CFAP70: variants seen among roughly 807,000 people sequenced by gnomAD.
CFAP70 encodes the protein cilia and flagella associated protein 70, also known as cilia- and flagella-associated protein 70.
CFAP70 carries 81 observed loss-of-function variants against 137.6 expected under a neutral mutation model. The ratio of observed to expected loss-of-function variants is 0.59; its 90% CI spans 0.49 to 0.71. The LOEUF is 0.71. CFAP70 is among the 30% of genes least tolerant of loss of function. The pLI, the probability that CFAP70 is intolerant of heterozygous loss-of-function variation, is 0.00. For missense variants in CFAP70, 976 were observed against 1,226.7 expected (o/e 0.80, Z 3.05); for synonymous variants, 382 against 423.6 (o/e 0.90, Z 1.20).
chr10:73,335,837 T>G (rs949674801), intron 6 of CFAP70, among the ~76,000 whole-genome samples: 8 of 143,478 alleles, frequency 5.6e-5, no homozygotes, highest in South Asian at 2.3e-4. Context: ...GGAGTTTTTG[T>G]TTTTTTTTTT....
chr10:73,291,340 G>C, exon 19 of CFAP70: 3 of 1,614,090 alleles, frequency 1.9e-6, no homozygotes, highest in Non-Finnish European at 2.5e-6. Context: ...GTGCTCTTTT[G>C]CTTTGTTACT....
At chr10:73,306,256 G>C (rs572541445) in intron 12 of CFAP70, among the ~76,000 whole-genome samples, 1 of 152,120 alleles carries the variant, frequency 6.6e-6, no homozygotes, top group South Asian at 2.1e-4. Flanking sequence ...CCCCTTTCTA[G>C]AGAAGAAAGG....
intron 3 of CFAP70, among the ~76,000 whole-genome samples, chr10:73,352,791 C>A (rs1159203911): frequency 6.6e-6 from 1 of 152,132 alleles, no homozygotes; most frequent in African/African-American, 2.4e-5. Context: ...CTAAGTACAC[C>A]TTTAACTATA....
chr10:73,331,057 GTCACCC>G, intron 8 of CFAP70, 114 bp downstream of exon 9: 1 of 630,032 alleles, frequency 1.6e-6, no homozygotes, highest in South Asian at 2.1e-5. Flanking sequence ...GAATGAGCTA[GTCACCC>G]TTAGGAGAAC....
Position 73,269,721 on chromosome 10 carries a change from C to T in CFAP70, c.2926-6G>A, listed in dbSNP as rs765359731. The T allele has an allele frequency of 6.9e-6, 11 of 1,600,102 alleles. No individual in the cohort carries two copies. In the Admixed American group the frequency reaches 1.5e-4, roughly 22 times the overall value. ...GCCTCTGTGAGCTCCTCCAGCTTGA[C>T]AGAAAAATGAGACATGTGAGTTAGC... On this transcript the variant is annotated splice_region_variant and splice_polypyrimidine_tract_variant and intron_variant, in intron 24 of 26. Transcript: ENST00000310715.
chr10:73,260,124 A>G (rs1332552737), intron 25 of CFAP70, among the ~76,000 whole-genome samples: 1 of 152,008 alleles, frequency 6.6e-6, no homozygotes, highest in Non-Finnish European at 1.5e-5. Context: ...AAGCTGAGGC[A>G]TGAGGATTAC....
chr10:73,285,061 A>T (rs906398145), intron 19 of CFAP70, among the ~76,000 whole-genome samples: 1 of 151,946 alleles, frequency 6.6e-6, no homozygotes, highest in Admixed American at 6.6e-5. Context: ...AAATTACAAG[A>T]GGTAGGCAAA....
intron 19 of CFAP70, among the ~76,000 whole-genome samples, chr10:73,279,947 T>G (rs1196776260): frequency 6.6e-6 from 1 of 152,068 alleles, no homozygotes; most frequent in Admixed American, 6.5e-5. Flanking sequence ...AAGAAAAAAC[T>G]TACCAGTTTT....
chr10:73,355,781 A>G (rs530244278), intron 1 of CFAP70, among the ~76,000 whole-genome samples: 1 of 152,218 alleles, frequency 6.6e-6, no homozygotes, highest in Admixed American at 6.5e-5. Flanking sequence ...GTCTCAAAAC[A>G]AAAAAATTTC....
intron 20 of CFAP70, among the ~76,000 whole-genome samples, 172 bp downstream of exon 21, chr10:73,278,007 G>A (rs2046918598): frequency 6.6e-6 from 1 of 152,218 alleles, no homozygotes; most frequent in African/African-American, 2.4e-5. Context: ...CTACTTCTGT[G>A]AGCTAAATAT....
chr10:73,316,473 T>TATATAG (rs1564831004), intron 9 of CFAP70, among the ~76,000 whole-genome samples: 1 of 114,746 alleles, frequency 8.7e-6, no homozygotes, highest in African/African-American at 3.5e-5. Context: ...GATATATATA[T>TATATAG]ATATATAGAT....
At chr10:73,276,789 G>T (rs988047577) in intron 21 of CFAP70, 4 of 152,332 alleles carry the variant, frequency 2.6e-5, no homozygotes, top group African/African-American at 9.7e-5. Flanking sequence ...GACTGCATGG[G>T]TAAGTCAAAT....
intron 3 of CFAP70, among the ~76,000 whole-genome samples, chr10:73,353,262 T>C (rs1306957790): frequency 6.6e-6 from 1 of 152,150 alleles, no homozygotes; most frequent in Non-Finnish European, 1.5e-5. Flanking sequence ...TATTCCCCCA[T>C]CAACAACAGC....
At position 73,278,218 on chromosome 10, in the gene CFAP70, G is replaced by GTTTTTGGCTT; in HGVS notation, c.2349_2358dup (p.Pro787LysfsTer6). 1 of 1,613,920 alleles carries GTTTTTGGCTT rather than the reference G, an allele frequency of 6.2e-7. No homozygotes were observed. The highest frequency in any genetic ancestry group is 8.5e-7 in the Non-Finnish European group (1 of 1,179,950). On this transcript the variant is annotated frameshift_variant, in exon 20 of 27. Coordinates refer to ENST00000310715, the Ensembl canonical transcript of CFAP70. LOFTEE classifies it high-confidence loss of function. ...ATCTCCTTGATAAATGTGTTAGATG[G>GTTTTTGGCTT]TTTTTGGCTTATACTTGGATCCCAA...
intron 6 of CFAP70, among the ~76,000 whole-genome samples, chr10:73,336,062 G>A (rs2052624942): frequency 6.6e-6 from 1 of 151,294 alleles, no homozygotes; most frequent in South Asian, 2.1e-4. Flanking sequence ...GATTGCTTGA[G>A]CCTAGGAGGT....
At chr10:73,356,638 G>C (rs1290790230) in intron 1 of CFAP70, among the ~76,000 whole-genome samples, 3 of 152,182 alleles carry the variant, frequency 2.0e-5, no homozygotes, top group African/African-American at 7.2e-5. Context: ...AGCTACTCCA[G>C]CATTTTTCCA....
intron 24 of CFAP70, among the ~76,000 whole-genome samples, chr10:73,270,454 A>T (rs1159077488): frequency 5.8e-4 from 13 of 22,600 alleles, no homozygotes; most frequent in African/African-American, 7.3e-4. Flanking sequence ...TCCCCTCCCC[A>T]GCCACCCTTT....
intron 6 of CFAP70, among the ~76,000 whole-genome samples, chr10:73,339,998 A>G (rs1368972526): frequency 2.0e-5 from 3 of 152,254 alleles, no homozygotes; most frequent in South Asian, 2.1e-4. Context: ...TTTCGCATCC[A>G]GGAAGAATGA....
At chr10:73,310,243 C>T (rs1452929127) in exon 12 of CFAP70, 1 of 1,606,464 alleles carries the variant, frequency 6.2e-7, no homozygotes, top group Admixed American at 1.7e-5. Context: ...CCTGCTTCTA[C>T]ATATTGCTGT....
Sources: gnomAD v4.1 joint callset for allele counts (sites outside exome capture counted in the v4.1 genomes callset) on GRCh38, gnomAD v4.1.1 for gene constraint, MANE v1.5 for transcripts, NCBI Gene and HGNC (gene_info 2026-07-23, HGNC 2026-07-21) for gene names.